The following LHFPL3 variants were observed in gnomAD, a reference collection of about 807,000 sequenced individuals.
LHFPL3 encodes LHFPL tetraspan subfamily member 3, also known as LHFPL tetraspan subfamily member 3 protein.
LHFPL3 carries 5 observed loss-of-function variants against 19.3 expected under a neutral mutation model. That is an observed-to-expected ratio of 0.26 (90% confidence interval 0.14 to 0.54). The LOEUF (loss-of-function observed/expected upper bound fraction) is 0.54. Among genes scored for constraint, LHFPL3 ranks in the 20% least tolerant of loss-of-function variants. The pLI is 0.94. For synonymous variants in LHFPL3, 133 were observed against 126.2 expected, an observed-to-expected ratio of 1.05 and a Z score of -0.36; for missense variants, 249 against 307.4, an observed-to-expected ratio of 0.81 and a Z score of 1.42.
chr7:104,826,660 C>A, intron 2 of LHFPL3: 1 of 154,266 alleles, frequency 6.5e-6, no homozygotes, highest in South Asian at 1.9e-4. Flanking sequence ...CCAAGCCACT[C>A]AAATGGCTGA....
chr7:104,811,444 T>C (rs1218923710), intron 2 of LHFPL3, among the ~76,000 whole-genome samples: 1 of 152,102 alleles, frequency 6.6e-6, no homozygotes, highest in Non-Finnish European at 1.5e-5. Flanking sequence ...CAAATTATCA[T>C]CCTGCCTCTG....
intron 1 of LHFPL3, among the ~76,000 whole-genome samples, chr7:104,333,726 A>G (rs1243664512): frequency 2.0e-5 from 3 of 152,198 alleles, no homozygotes; most frequent in East Asian, 3.8e-4. Flanking sequence ...ATACCATCCT[A>G]TCTTGTGGCA....
At chr7:104,820,168 CA>C (rs1000689404) in intron 2 of LHFPL3, among the ~76,000 whole-genome samples, 4 of 151,354 alleles carry the variant, frequency 2.6e-5, no homozygotes, top group Non-Finnish European at 5.9e-5. Flanking sequence ...ACAGACCATG[CA>C]AAAAAAAGAA....
At chr7:104,530,056 T>A (rs10265851) in intron 1 of LHFPL3, among the ~76,000 whole-genome samples, 23,839 of 152,206 alleles carry the variant, frequency 0.16, 1,995 homozygotes, top group African/African-American at 0.18. Context: ...TAGCCTAAAT[T>A]GTCCTTGGTA....
intron 1 of LHFPL3, among the ~76,000 whole-genome samples, chr7:104,716,610 T>C (rs1358583080): frequency 6.6e-6 from 1 of 152,068 alleles, no homozygotes; most frequent in African/African-American, 2.4e-5. Flanking sequence ...AGAAATAAAC[T>C]TAACTAAGGA....
In LHFPL3 at chr7:104,837,351, C is replaced by T. The variant is rs372202468; in HGVS notation, c.683-68836C>T. ...ACCTACACCTTTGACTTCTTTAGCA[C>T]CTTTTCATTATCAATTGAACCAGCC... On this transcript the variant is annotated intron_variant, in intron 2 of 2. Coordinates refer to ENST00000424859, the MANE Select transcript of LHFPL3 (RefSeq NM_199000.3). Among the ~76,000 whole-genome samples, 9 of 152,300 alleles carry T rather than the reference C, an allele frequency of 5.9e-5. No individual in the cohort carries two copies. The South Asian group carries it at 1.9e-3, about 32-fold the overall frequency.
At chr7:104,490,451 C>T (rs557501318) in intron 1 of LHFPL3, among the ~76,000 whole-genome samples, 1 of 152,162 alleles carries the variant, frequency 6.6e-6, no homozygotes, top group Admixed American at 6.5e-5. Flanking sequence ...TCAGAGACAC[C>T]AAAGGGTACA....
intron 2 of LHFPL3, among the ~76,000 whole-genome samples, chr7:104,814,793 G>T (rs1200972328): frequency 6.6e-6 from 1 of 152,248 alleles, no homozygotes; most frequent in East Asian, 1.9e-4. Flanking sequence ...CCCCAAGTGT[G>T]TGCACGCTCG....
chr7:104,715,141 A>C (rs1048203872), intron 1 of LHFPL3, among the ~76,000 whole-genome samples: 4 of 152,242 alleles, frequency 2.6e-5, no homozygotes, highest in South Asian at 4.1e-4. Context: ...ATCTCTACAA[A>C]AATAAAAAAA....
intron 2 of LHFPL3, among the ~76,000 whole-genome samples, chr7:104,753,482 A>T (rs1794216442): frequency 6.6e-6 from 1 of 152,242 alleles, no homozygotes; most frequent in Non-Finnish European, 1.5e-5. Flanking sequence ...TTTTTTTTCA[A>T]TATTCAATAT....
chr7:104,832,310 C>T (rs1353593041), intron 2 of LHFPL3, among the ~76,000 whole-genome samples: 1 of 151,888 alleles, frequency 6.6e-6, no homozygotes, highest in African/African-American at 2.4e-5. Flanking sequence ...CTCTATTAAA[C>T]ATAAAGAAAA....
chr7:104,814,995 G>C (rs1334688037), intron 2 of LHFPL3, among the ~76,000 whole-genome samples: 1 of 152,154 alleles, frequency 6.6e-6, no homozygotes, highest in Admixed American at 6.5e-5. Flanking sequence ...CTGCAGCTGC[G>C]CCTGGGCTCC....
chr7:104,422,822 G>A (rs984860783), intron 1 of LHFPL3, among the ~76,000 whole-genome samples: 12 of 152,184 alleles, frequency 7.9e-5, no homozygotes, highest in Non-Finnish European at 8.8e-5. Context: ...TGGTGGTGAC[G>A]GTGATGTAAC....
chr7:104,589,811 G>A (rs1296924749), intron 1 of LHFPL3, among the ~76,000 whole-genome samples: 2 of 152,138 alleles, frequency 1.3e-5, no homozygotes, highest in Middle Eastern at 3.4e-3. Flanking sequence ...GTCTATTCAG[G>A]GATTCAGTTT....
intron 2 of LHFPL3, among the ~76,000 whole-genome samples, chr7:104,867,994 T>C (rs577293820): frequency 1.3e-3 from 192 of 152,262 alleles, no homozygotes; most frequent in African/African-American, 4.3e-3. Flanking sequence ...ATTATCTCAA[T>C]AGATGCAGAA....
chr7:104,769,093 T>C (rs1361902538), intron 2 of LHFPL3: 1 of 152,202 alleles, frequency 6.6e-6, no homozygotes, highest in African/African-American at 2.4e-5. Flanking sequence ...TACTTACTTT[T>C]TCCATCTAAC....
At chr7:104,699,633 C>T (rs1211489237) in intron 1 of LHFPL3, among the ~76,000 whole-genome samples, 1 of 152,122 alleles carries the variant, frequency 6.6e-6, no homozygotes, top group Non-Finnish European at 1.5e-5. Flanking sequence ...GTGATGGCTG[C>T]ACAACACTGT....
chr7:104,357,101 A>G (rs1790294129), intron 1 of LHFPL3, among the ~76,000 whole-genome samples: 1 of 152,260 alleles, frequency 6.6e-6, no homozygotes, highest in Non-Finnish European at 1.5e-5. Flanking sequence ...ATAGGTAAAG[A>G]TGAGCAGGAA....
intron 1 of LHFPL3, among the ~76,000 whole-genome samples, chr7:104,634,050 A>G (rs1791690942): frequency 6.6e-6 from 1 of 152,210 alleles, no homozygotes; most frequent in African/African-American, 2.4e-5. Flanking sequence ...ATTATCCACT[A>G]TTATTCTAAA....
Sources: gnomAD v4.1 joint callset for allele counts (sites outside exome capture counted in the v4.1 genomes callset) on GRCh38, gnomAD v4.1.1 for gene constraint, MANE v1.5 for transcripts, NCBI Gene and HGNC (gene_info 2026-07-23, HGNC 2026-07-21) for gene names.